Variants in SPNS2 observed in about 807,000 individuals in gnomAD.
The protein encoded by SPNS2 is sphingosine-1-phosphate transporter SPNS2.
A neutral mutation model predicts 57.6 loss-of-function variants in SPNS2; 37 were observed. The observed-to-expected ratio is 0.64, with a 90% CI of 0.49 to 0.85. SPNS2 has a LOEUF of 0.85. Among genes scored for constraint, SPNS2 ranks in the 40% least tolerant of loss-of-function variants. The probability of loss-of-function intolerance (pLI) is 0.00; values close to 1 mark genes in which losing one functional copy is unlikely to be tolerated. For missense variants in SPNS2, 831 were observed against 779.1 expected, an observed-to-expected ratio of 1.07 and a Z score of -0.79; for synonymous variants, 440 against 346.9, an observed-to-expected ratio of 1.27 and a Z score of -2.98.
At position 4,538,644 on chromosome 17, in the gene SPNS2, TGAGGCCTTGTGG is replaced by T; in HGVS notation, c.*1197_*1208del. 2 of 505,578 alleles carry T rather than the reference TGAGGCCTTGTGG, an allele frequency of 4.0e-6. No individual in the cohort carries two copies. The highest frequency in any genetic ancestry group is 7.2e-5 in the East Asian group (2 of 27,640). 31.3% of individuals were successfully genotyped at this position (505,578 alleles called of 1,614,324 possible). On this transcript the variant is annotated 3_prime_UTR_variant, in exon 13 of 13. Transcript: ENST00000329078. ...TCTGGTGCGGGGGTGGGGTGGGGGG[TGAGGCCTTGTGG>T]CCAATGGGGGACCCCCCAAGAGCCA... is the stretch of plus-strand genomic sequence containing the variant.
chr17:4,506,354 G>A (rs1904678071), intron 1 of SPNS2, among the ~76,000 whole-genome samples: 1 of 152,154 alleles, frequency 6.6e-6, no homozygotes, highest in Non-Finnish European at 1.5e-5. Context: ...TCCTGTGTCT[G>A]GCTGGCATAT....
chr17:4,525,298 C>G (rs1285403061), intron 3 of SPNS2, 105 bp downstream of exon 3: 3 of 1,473,210 alleles, frequency 2.0e-6, no homozygotes, highest in Non-Finnish European at 2.8e-6. Context: ...CTTCCAGCTC[C>G]TTTGCTTGAA....
chr17:4,519,229 A>T (rs868393688), intron 2 of SPNS2, among the ~76,000 whole-genome samples: 10 of 152,298 alleles, frequency 6.6e-5, no homozygotes, highest in Middle Eastern at 6.8e-3. Flanking sequence ...GCAGGCTCCA[A>T]GGCCACAGGG....
intron 2 of SPNS2, among the ~76,000 whole-genome samples, chr17:4,518,777 G>A (rs577053528): frequency 2.6e-5 from 4 of 152,280 alleles, no homozygotes; most frequent in South Asian, 4.1e-4. Context: ...CTCCCCTCCC[G>A]TCTTTGGCCA....
In SPNS2 at chr17:4,511,950, C is replaced by T. The variant is rs1212699361; in HGVS notation, c.371-1297C>T. Among the ~76,000 whole-genome samples, 2 of 152,212 alleles carry T rather than the reference C, an allele frequency of 1.3e-5. No homozygotes were observed. The highest frequency in any genetic ancestry group is 2.9e-5 in the Non-Finnish European group (2 of 68,032). ...CTGGAGATTCCACTTTTTCCTACTT[C>T]CCTGTGGTGTGACTTTGAGCCCACA... On this transcript the variant is annotated intron_variant, in intron 1 of 12. Transcript: ENST00000329078. This position sits in a 1 kb window ranked among gnomAD's most constrained non-coding sequence, Gnocchi z 4.6.
chr17:4,532,656 C>T lies in SPNS2; in HGVS notation c.907C>T (p.Leu303Phe), dbSNP rs1294986486. ...CCAGCTCAAGGCCCGGACCTCATGG[C>T]TCCGAGATATGAAGGCCCTGATTCG... ...GDQLKARTSW[L>F]RDMKALIRNR... The change falls in exon 6 of 13, where the codon CTC becomes TTC. Residue 303 changes from leucine to phenylalanine, a missense_variant. Physicochemically the swap from Leu to Phe is conservative, Grantham distance 22. Transcript: ENST00000329078. 9 of 1,614,036 alleles carry T rather than the reference C, an allele frequency of 5.6e-6. No homozygotes were observed. Among genetic ancestry groups the T allele is most frequent in the Non-Finnish European group, 7.6e-6 (9 of 1,180,014 alleles).
In SPNS2 at chr17:4,536,428, T is replaced by C. The variant is rs1192833463; in HGVS notation, c.1607+2T>C. On this transcript the variant is annotated splice_donor_variant, in intron 11 of 12. Coordinates refer to ENST00000329078, the MANE Select transcript of SPNS2 (RefSeq NM_001124758.3). LOFTEE classifies it high-confidence loss of function. ...CGACCGCGCCAGGGCTGAGCAGCAG[T>C]GAGTGGGGGGGAGGGGAGGCCCTGC... The C allele has an allele frequency of 6.5e-7, 1 of 1,540,726 alleles. No individual in the cohort carries two copies. The highest frequency in any genetic ancestry group is 8.8e-7 in the Non-Finnish European group (1 of 1,142,566).
chr17:4,521,106 G>T (rs1434371329), intron 2 of SPNS2, among the ~76,000 whole-genome samples: 1 of 152,132 alleles, frequency 6.6e-6, no homozygotes, highest in Non-Finnish European at 1.5e-5. Flanking sequence ...CATTATCCTG[G>T]CAGGATCTGG....
At position 4,532,987 on chromosome 17, in the gene SPNS2, G is replaced by C. The variant is rs201723018; in HGVS notation, c.946G>C (p.Val316Leu). ...CTGGCCTCTCCCCAGCCGCAGCTACGTCTTCTCCTCCCTGGCCACGTCGGC... is the reference window on the plus strand; with the variant it reads ...CTGGCCTCTCCCCAGCCGCAGCTACCTCTTCTCCTCCCTGGCCACGTCGGC... ...MKALIRNRSY[V>L]FSSLATSAVS... Residue 316 changes from valine (V) to leucine (L), a missense_variant, in exon 7 of 13, where the codon GTC (valine) becomes CTC (leucine). Physicochemically the swap from Val to Leu is conservative, Grantham distance 32. Around this residue, in one of 2 missense-constraint regions of SPNS2, gnomAD observed 526 missense variants for 400.9 expected, o/e 1.31. Coordinates refer to ENST00000329078, the MANE Select transcript of SPNS2 (RefSeq NM_001124758.3). 5 of 1,612,184 alleles carry C rather than the reference G, an allele frequency of 3.1e-6. No homozygotes were observed. In the East Asian group the frequency reaches 8.9e-5, roughly 29 times the overall value.
chr17:4,533,881 G>C, intron 9 of SPNS2, 28 bp downstream of exon 9: 1 of 1,608,640 alleles, frequency 6.2e-7, no homozygotes, highest in Non-Finnish European at 8.5e-7. Flanking sequence ...AGGTCACCTT[G>C]TGCTGCTGAC....
At chr17:4,530,166 C>A (rs944620145) in intron 3 of SPNS2, among the ~76,000 whole-genome samples, 6 of 152,104 alleles carry the variant, frequency 3.9e-5, no homozygotes, top group African/African-American at 1.4e-4. Flanking sequence ...CCACTCCCCA[C>A]TCCCCACTTC....
In SPNS2 at chr17:4,513,227, A is replaced by C. The variant is rs1211795722; in HGVS notation, c.371-20A>C. 1 of 1,613,228 alleles carries C rather than the reference A, an allele frequency of 6.2e-7. No individual in the cohort carries two copies. Among genetic ancestry groups the C allele is most frequent in the South Asian group, 1.1e-5 (1 of 91,068 alleles). On this transcript the variant is annotated intron_variant, in intron 1 of 12. Transcript: ENST00000329078. ...CAGCCATCAGACTCGGCCAGTGAGC[A>C]CCCTCTGTCTTCCCTCCAGGCGTCC...
intron 1 of SPNS2, among the ~76,000 whole-genome samples, chr17:4,501,572 C>T (rs2075822597): frequency 2.0e-5 from 3 of 152,154 alleles, no homozygotes; most frequent in Admixed American, 6.5e-5. Flanking sequence ...ACACACCACC[C>T]CACCCCCAAC....
chr17:4,533,796 C>T lies in SPNS2; in HGVS notation c.1287C>T (p.Ile429=), dbSNP rs1295291100. 2 of 1,613,776 alleles carry T rather than the reference C, an allele frequency of 1.2e-6. No homozygotes were observed. Among genetic ancestry groups the T allele is most frequent in the African/African-American group, 1.3e-5 (1 of 75,032 alleles). Residue 429 remains isoleucine (I), a synonymous_variant, in exon 9 of 13, where the codon ATC becomes ATT. Coordinates refer to ENST00000329078, the MANE Select transcript of SPNS2 (RefSeq NM_001124758.3). The part of the protein sequence containing the change: ...KSSIVGAYIC[I]FVGETLLFSN... The stretch of plus-strand genomic sequence containing the variant: ...TGCCTTCTCCCCGGCAGATCTGTAT[C>T]TTCGTCGGGGAGACGCTGCTGTTTT...
intron 1 of SPNS2, among the ~76,000 whole-genome samples, chr17:4,505,262 A>G (rs975340535): frequency 2.6e-5 from 4 of 152,120 alleles, no homozygotes; most frequent in African/African-American, 9.7e-5. Flanking sequence ...GACTCAGTTG[A>G]CTGAGACTTG....
rs371411121 is a variant in SPNS2 at position 4,533,856 on chromosome 17, G to A, written c.1344+3G>A. The A allele has an allele frequency of 1.9e-5, 30 of 1,612,328 alleles. No individual in the cohort carries two copies. The highest frequency in any genetic ancestry group is 2.5e-5 in the Non-Finnish European group (29 of 1,179,740). ...CCATCACTGCAGACATCCTCATGGT[G>A]AGCCAGGCAGGCCGAGGTCACCTTG... On this transcript the variant is annotated splice_donor_region_variant and intron_variant, in intron 9 of 12. Coordinates refer to ENST00000329078, the MANE Select transcript of SPNS2 (RefSeq NM_001124758.3).
In SPNS2 at chr17:4,512,768, G is replaced by A. The variant is rs1050808024; in HGVS notation, c.371-479G>A. 2.6e-4 allele frequency among the ~76,000 whole-genome samples: 39 copies of A among 152,110 alleles called. No homozygotes were observed. Among genetic ancestry groups the A allele is most frequent in the Non-Finnish European group, 4.3e-4 (29 of 68,000 alleles). ...TGTACAGGTGTGTGCGTGTGTGTGCGAATGTGGTTGTGCACATGTGCAGGT... is the reference window on the plus strand; with the variant it reads ...TGTACAGGTGTGTGCGTGTGTGTGCAAATGTGGTTGTGCACATGTGCAGGT... On this transcript the variant is annotated intron_variant, in intron 1 of 12. Coordinates refer to ENST00000329078, the MANE Select transcript of SPNS2 (RefSeq NM_001124758.3). This position sits in a 1 kb window ranked among gnomAD's most constrained non-coding sequence, Gnocchi z 5.2.
chr17:4,516,340 A>G (rs60166654), intron 2 of SPNS2, among the ~76,000 whole-genome samples: 1 of 64,198 alleles, frequency 1.6e-5, no homozygotes, highest in Non-Finnish European at 3.2e-5. Flanking sequence ...AAAAAAAAAA[A>G]AAACAAAAAA....
chr17:4,528,743 C>T (rs1905339572), intron 3 of SPNS2, among the ~76,000 whole-genome samples: 1 of 151,948 alleles, frequency 6.6e-6, no homozygotes, highest in Admixed American at 6.6e-5. Context: ...TCCCAAAGTG[C>T]TGGGATTACA....
Sources: gnomAD v4.1 joint callset for allele counts (sites outside exome capture counted in the v4.1 genomes callset) on GRCh38, gnomAD v4.1.1 for gene constraint, gnomAD v4.1.1 regional missense constraint, Gnocchi (gnomAD v3.1) non-coding constraint, MANE v1.5 for transcripts, NCBI Gene and HGNC (gene_info 2026-07-23, HGNC 2026-07-21) for gene names.